HTR3E: variants seen among roughly 807,000 people sequenced by gnomAD.
HTR3E encodes 5-hydroxytryptamine receptor 3E, also known as 5-hydroxytryptamine (serotonin) receptor 3, family member E.
HTR3E carries 38 observed loss-of-function variants against 38.0 expected under a neutral mutation model. The ratio of observed to expected loss-of-function variants is 1.00; its 90% CI spans 0.77 to 1.31. The LOEUF is 1.31. HTR3E is among the 50% of genes most tolerant of loss of function. The pLI is 0.00. For missense variants in HTR3E, 547 were observed against 585.2 expected (o/e 0.93, Z 0.67); for synonymous variants, 210 against 232.9 (o/e 0.90, Z 0.89).
rs572723339 is a variant in HTR3E at position 184,106,027 on chromosome 3, T to C, written c.925+58T>C. On this transcript the variant is annotated intron_variant, in intron 7 of 8. Coordinates refer to ENST00000415389, the MANE Select transcript of HTR3E (RefSeq NM_001256613.2). The surrounding 1 kb of genome is among the most constrained non-coding windows in gnomAD (Gnocchi z 4.1). ...GTGGGAACTAACTCAGGAAGGGAGG[T>C]ATTTTGGAAAAAGGAGGCCGTATGC... 6.8e-6 allele frequency: 11 copies of C among 1,610,724 alleles called. No individual in the cohort carries two copies. In the African/African-American group the frequency reaches 1.2e-4, roughly 18 times the overall value.
intron 1 of HTR3E, chr3:184,100,217 T>A (rs1233333231): frequency 6.4e-6 from 9 of 1,397,074 alleles, no homozygotes; most frequent in Non-Finnish European, 8.5e-6. Flanking sequence ...GCTGTCTGAC[T>A]GTAGGAAGTT....
In HTR3E at chr3:184,100,602, T is replaced by C; in HGVS notation, c.185T>C (p.Val62Ala). Residue 62 changes from valine (V) to alanine (A), a missense_variant, in exon 2 of 9, where the codon GTC becomes GCC. Coordinates refer to ENST00000415389, the MANE Select transcript of HTR3E (RefSeq NM_001256613.2). ...KPFRPVTNIS[V>A]PTQVNISFAM... ...TTCCGTCCGGTCACCAACATCAGCG[T>C]CCCCACCCAAGTCAACATCTCCTTC... 2 of 1,614,046 alleles carry C rather than the reference T, an allele frequency of 1.2e-6. No homozygotes were observed. Among genetic ancestry groups the C allele is most frequent in the Non-Finnish European group, 8.5e-7 (1 of 1,179,970 alleles).
chr3:184,106,305 A>G lies in HTR3E; in HGVS notation c.1103A>G (p.Glu368Gly), dbSNP rs192364815. ...GRCCPTAPQK[E>G]NKGPGLTPTH... The stretch of plus-strand genomic sequence containing the variant: ...TGCTGTCCCACTGCGCCCCAGAAGG[A>G]AAATAAGGGCCCGGGTCTCACCCCC... The change falls in exon 8 of 9, where the codon GAA (glutamate) becomes GGA (glycine). Residue 368 changes from glutamate (E) to glycine (G), a missense_variant. Glu to Gly is a moderately conservative substitution (Grantham distance 98). Transcript: ENST00000415389. This position sits in a 1 kb window ranked among gnomAD's most constrained non-coding sequence, Gnocchi z 4.1. 76 of 1,613,264 alleles carry G rather than the reference A, an allele frequency of 4.7e-5. No individual in the cohort carries two copies. Among genetic ancestry groups the G allele is most frequent in the Admixed American group, 2.8e-4 (17 of 59,938 alleles).
In HTR3E at chr3:184,105,886, T is replaced by C; in HGVS notation, c.842T>C (p.Phe281Ser). 1 of 1,614,128 alleles carries C rather than the reference T, an allele frequency of 6.2e-7. No homozygotes were observed. Among genetic ancestry groups the C allele is most frequent in the Non-Finnish European group, 8.5e-7 (1 of 1,180,024 alleles). The change falls in exon 7 of 9, where the codon TTC becomes TCC. Residue 281 changes from phenylalanine to serine, a missense_variant. Phe to Ser is a radical substitution (Grantham distance 155). Coordinates refer to ENST00000415389, the MANE Select transcript of HTR3E (RefSeq NM_001256613.2). ...LPVKSGNRVP[F>S]KITLLLGYNV... The stretch of plus-strand genomic sequence containing the variant: ...GTGAAAAGTGGGAATCGTGTCCCAT[T>C]CAAGATAACGCTCCTGCTGGGCTAC...
Position 184,105,913 on chromosome 3 carries a change from A to G in HTR3E, c.869A>G (p.Asn290Ser). Residue 290 changes from asparagine (N) to serine (S), a missense_variant, in exon 7 of 9, where the codon AAC becomes AGC. Transcript: ENST00000415389. ...AAGATAACGCTCCTGCTGGGCTACA[A>G]CGTCTTCCTGCTCATGATGAGTGAC... is the stretch of plus-strand genomic sequence containing the variant. ...PFKITLLLGY[N>S]VFLLMMSDLL... The G allele has an allele frequency of 6.2e-7, 1 of 1,614,154 alleles. No homozygotes were observed. Among genetic ancestry groups the G allele is most frequent in the Non-Finnish European group, 8.5e-7 (1 of 1,180,026 alleles).
rs1404927971 is a variant in HTR3E, at chr3:184,099,737, A to G, written c.68-748A>G. 4.2e-4 allele frequency among the ~76,000 whole-genome samples: 63 copies of G among 148,458 alleles called. 4 individuals carry two copies. Among genetic ancestry groups the G allele is most frequent in the South Asian group, 6.3e-4 (3 of 4,754 alleles). On this transcript the variant is annotated intron_variant, in intron 1 of 8. Transcript: ENST00000415389. The stretch of plus-strand genomic sequence containing the variant: ...CTCCGTCTCAAAAAAAAAAAAAAAA[A>G]AAAGAAAGAAATATGCACAATTATT...
rs1711729387 is a variant in HTR3E, at chr3:184,097,555, A to G, written c.26A>G (p.Lys9Arg). ...ATGGAAGGAAGCTGGTTCCACAGGA[A>G]AAGATTTTCCTTCTACCTCCTTCTC... Reference protein sequence around the residue: MEGSWFHRKRFSFYLLLGF... With the variant: MEGSWFHRRRFSFYLLLGF... Residue 9 changes from lysine (K) to arginine (R), a missense_variant, in exon 1 of 9, where the codon AAA becomes AGA. By Grantham distance (26) the Lys-to-Arg change is conservative. Transcript: ENST00000415389. 3 of 1,536,074 alleles carry G rather than the reference A, an allele frequency of 2.0e-6. No individual in the cohort carries two copies. Among genetic ancestry groups the G allele is most frequent in the Non-Finnish European group, 2.6e-6 (3 of 1,146,834 alleles).
intron 6 of HTR3E, 59 bp from the exon 7 acceptor site, chr3:184,105,706 C>T: frequency 7.2e-7 from 1 of 1,383,826 alleles, no homozygotes; most frequent in Non-Finnish European, 1.0e-6. Flanking sequence ...ACTGCTATTC[C>T]TGGATTTGAG....
chr3:184,102,690 C>T (rs1184452572), intron 3 of HTR3E, among the ~76,000 whole-genome samples: 4 of 151,582 alleles, frequency 2.6e-5, no homozygotes, highest in South Asian at 2.1e-4. Context: ...TTTGGGAGGC[C>T]GAGGCCGGTG....
At chr3:184,099,609 G>A (rs1287443567) in intron 1 of HTR3E, among the ~76,000 whole-genome samples, 2 of 150,060 alleles carry the variant, frequency 1.3e-5, no homozygotes, top group Non-Finnish European at 3.0e-5. Context: ...AGCTACTCGG[G>A]AGGCTGAGGC....
chr3:184,098,761 C>T (rs1037152419), intron 1 of HTR3E, among the ~76,000 whole-genome samples: 9 of 152,140 alleles, frequency 5.9e-5, no homozygotes, highest in South Asian at 2.1e-4. Context: ...GAGGGTGGGA[C>T]GGGTCAGGTG....
chr3:184,105,106 A>G lies in HTR3E; in HGVS notation c.559+150A>G, dbSNP rs904449487. The G allele has an allele frequency of 6.4e-5, 74 of 1,150,548 alleles. No homozygotes were observed. In the Admixed American group the frequency reaches 1.8e-3, roughly 28 times the overall value. 71.3% of individuals were successfully genotyped at this position (1,150,548 alleles called of 1,614,324 possible). A position where few individuals can be genotyped will look rare whatever the true frequency, so the allele number is the denominator to read the frequency against. On this transcript the variant is annotated intron_variant, in intron 5 of 8. Coordinates refer to ENST00000415389, the MANE Select transcript of HTR3E (RefSeq NM_001256613.2). ...AATATTTTCCATAAAGGCAGAACCC[A>G]AGTCTGTCTTGTTCCTTACCATCCC...
At chr3:184,100,301 G>T in intron 1 of HTR3E, 184 bp from the exon 2 acceptor site, 1 of 1,453,484 alleles carries the variant, frequency 6.9e-7, no homozygotes. Context: ...ATAGGGGATT[G>T]GGAGGATTAA....
intron 3 of HTR3E, among the ~76,000 whole-genome samples, chr3:184,102,114 A>T (rs1019336816): frequency 8.5e-5 from 13 of 152,172 alleles, no homozygotes; most frequent in Non-Finnish European, 1.9e-4. Context: ...ACCATACATA[A>T]TTTTTTGTCA....
intron 5 of HTR3E, 106 bp from the exon 6 acceptor site, chr3:184,105,161 G>A (rs965048482): frequency 1.5e-6 from 2 of 1,314,486 alleles, no homozygotes; most frequent in Non-Finnish European, 2.1e-6. Flanking sequence ...TGGCATGTGG[G>A]AGGCACTCAA....
chr3:184,103,017 T>C (rs1285516972), intron 3 of HTR3E, among the ~76,000 whole-genome samples: 1 of 152,070 alleles, frequency 6.6e-6, no homozygotes, highest in African/African-American at 2.4e-5. Flanking sequence ...AGCAATTAAG[T>C]AGAAATTACG....
In HTR3E at chr3:184,106,258, C is replaced by G. The variant is rs142668844; in HGVS notation, c.1056C>G (p.Leu352=). ...PLPRWLHSLL[L]HCNSPGRCCP... ...CTCGGTGGCTCCACTCCCTGCTGCT[C>G]CACTGCAACAGCCCGGGGAGATGCT... The change falls in exon 8 of 9, where the codon CTC becomes CTG. Residue 352 remains leucine, a synonymous_variant. Coordinates refer to ENST00000415389, the MANE Select transcript of HTR3E (RefSeq NM_001256613.2). The surrounding 1 kb of genome is among the most constrained non-coding windows in gnomAD (Gnocchi z 4.1). The G allele has an allele frequency of 1.1e-4, 178 of 1,613,074 alleles. 2 individuals carry two copies. The highest frequency in any genetic ancestry group is 5.7e-4 in the Middle Eastern group (3 of 5,274).
rs766263298 is a variant in HTR3E at position 184,106,578 on chromosome 3, A to T, written c.1256A>T (p.His419Leu). 1 of 1,613,982 alleles carries T rather than the reference A, an allele frequency of 6.2e-7. No homozygotes were observed. Among genetic ancestry groups the T allele is most frequent in the Non-Finnish European group, 8.5e-7 (1 of 1,180,006 alleles). The change falls in exon 9 of 9, where the codon CAC becomes CTC. Residue 419 changes from histidine (H) to leucine (L), a missense_variant. Transcript: ENST00000415389. The surrounding 1 kb of genome is among the most constrained non-coding windows in gnomAD (Gnocchi z 4.1). Reference protein sequence around the residue: ...AQREHEAQKQHSVELWLQFSH... With the variant: ...AQREHEAQKQLSVELWLQFSH... The stretch of plus-strand genomic sequence containing the variant: ...CGGGAACACGAGGCCCAGAAGCAGC[A>T]CTCAGTGGAGCTGTGGTTGCAGTTC...
intron 2 of HTR3E, 126 bp downstream of exon 2, chr3:184,100,777 G>A: frequency 7.4e-7 from 1 of 1,360,372 alleles, no homozygotes; most frequent in Non-Finnish European, 9.9e-7. Context: ...GCATTTGCCT[G>A]GCATGGGGAT....
Sources: gnomAD v4.1 joint callset for allele counts (sites outside exome capture counted in the v4.1 genomes callset) on GRCh38, gnomAD v4.1.1 for gene constraint, Gnocchi (gnomAD v3.1) non-coding constraint, MANE v1.5 for transcripts, NCBI Gene and HGNC (gene_info 2026-07-23, HGNC 2026-07-21) for gene names.